Variants in CCDC141 observed in about 807,000 individuals in gnomAD.
The protein encoded by CCDC141 is coiled-coil domain-containing protein 141.
In CCDC141, 168 loss-of-function variants were observed where a neutral mutation model predicts 181.0. That is an observed-to-expected ratio of 0.93 (90% CI 0.82 to 1.05). CCDC141 has a LOEUF of 1.05. Ranked by LOEUF, CCDC141 falls within the 50% of genes least tolerant of loss-of-function variation. The pLI, the probability that CCDC141 is intolerant of heterozygous loss-of-function variation, is 0.00. For missense variants in CCDC141, 1,902 were observed against 1,788.5 expected (o/e 1.06, Z -1.14); for synonymous variants, 666 against 642.3 (o/e 1.04, Z -0.56).
At chr2:178,997,772 T>C (rs1692353939) in intron 2 of CCDC141, among the ~76,000 whole-genome samples, 1 of 152,204 alleles carries the variant, frequency 6.6e-6, no homozygotes, top group Admixed American at 6.5e-5. Flanking sequence ...ACTTCCTGTT[T>C]AGAGCTATAC....
At chr2:178,843,373 A>G (rs974863730) in intron 22 of CCDC141, among the ~76,000 whole-genome samples, 1 of 152,222 alleles carries the variant, frequency 6.6e-6, no homozygotes, top group Non-Finnish European at 1.5e-5. Context: ...TGCTGGCATC[A>G]AAAGCCATCA....
chr2:178,954,241 A>C (rs765884071), intron 5 of CCDC141, among the ~76,000 whole-genome samples: 9 of 152,260 alleles, frequency 5.9e-5, no homozygotes, highest in Non-Finnish European at 1.3e-4. Context: ...TCTTGCCAAG[A>C]TAATTAATTA....
chr2:178,840,234 G>A lies in CCDC141; in HGVS notation c.3475-2490C>T, dbSNP rs16866557. 4.7e-3 allele frequency among the ~76,000 whole-genome samples: 715 copies of A among 152,132 alleles called. 9 individuals are homozygous for A. The highest frequency in any genetic ancestry group is 0.017 in the African/African-American group (688 of 41,510). ...TGCCTCAACTCTCTCTCATCATCTT[G>A]GTCATTTCTGGGAGGTCCCACTCCT... On this transcript the variant is annotated intron_variant, in intron 22 of 23. Coordinates refer to ENST00000443758, the MANE Select transcript of CCDC141 (RefSeq NM_173648.4).
chr2:178,999,663 C>A (rs2041895288), intron 2 of CCDC141, among the ~76,000 whole-genome samples: 1 of 152,136 alleles, frequency 6.6e-6, no homozygotes, highest in Admixed American at 6.6e-5. Context: ...ACACTGTTCT[C>A]TAGCCTTCTG....
At chr2:179,021,309 AT>A (rs1220065582) in intron 2 of CCDC141, among the ~76,000 whole-genome samples, 4 of 152,290 alleles carry the variant, frequency 2.6e-5, no homozygotes, top group African/African-American at 9.6e-5. Flanking sequence ...AATTTTAGCT[AT>A]GCAAACCTAA....
intron 4 of CCDC141, among the ~76,000 whole-genome samples, chr2:178,973,671 C>T (rs1056407268): frequency 6.6e-6 from 1 of 152,212 alleles, no homozygotes; most frequent in Admixed American, 6.5e-5. Context: ...GGAAAAGCCC[C>T]TACTTCTACA....
chr2:178,998,332 A>G (rs749298410), intron 2 of CCDC141, among the ~76,000 whole-genome samples: 1 of 152,226 alleles, frequency 6.6e-6, no homozygotes, highest in Non-Finnish European at 1.5e-5. Flanking sequence ...AGCTGAAGTT[A>G]TTAATGAATG....
intron 14 of CCDC141, among the ~76,000 whole-genome samples, chr2:178,870,603 G>T (rs2154369082): frequency 6.6e-6 from 1 of 152,262 alleles, no homozygotes; most frequent in Admixed American, 6.5e-5. Flanking sequence ...TTACAATGGT[G>T]GGTGTGTTTC....
At chr2:178,908,102 A>C (rs940562602) in intron 7 of CCDC141, among the ~76,000 whole-genome samples, 2 of 152,208 alleles carry the variant, frequency 1.3e-5, no homozygotes, top group Non-Finnish European at 2.9e-5. Context: ...TTTGCCAATA[A>C]CCACTGTTTC....
rs571361873 is a variant in CCDC141 at position 178,904,827 on chromosome 2, T to C, written c.1265+502A>G. ...CCACCTAGAGCACTGTTCAAAAGCA[T>C]GGGGTCTGGTGCCCATGCTGTTGGA... On this transcript the variant is annotated intron_variant, in intron 8 of 23. Coordinates refer to ENST00000443758, the MANE Select transcript of CCDC141 (RefSeq NM_173648.4). 5.9e-5 allele frequency among the ~76,000 whole-genome samples: 9 copies of C among 152,270 alleles called. No homozygotes were observed. In the East Asian group the frequency reaches 1.7e-3, roughly 29 times the overall value.
chr2:178,888,541 C>T lies in CCDC141; in HGVS notation c.1393G>A (p.Gly465Ser), dbSNP rs1208192580. The stretch of plus-strand genomic sequence containing the variant: ...TACGAAACTACCTTCCGTAGGTAAC[C>T]CTCCACTGAGGCTGTTAGTTGTTGT... The part of the protein sequence containing the change: ...KKQQLTASVE[G>S]YLRKVEMSIQ... Residue 465 changes from glycine to serine, a missense_variant, in exon 9 of 24, where the codon GGT (glycine) becomes AGT (serine). Gly to Ser is a moderately conservative substitution (Grantham distance 56). Transcript: ENST00000443758. The T allele has an allele frequency of 6.5e-6, 10 of 1,550,274 alleles. No homozygotes were observed. The South Asian group carries it at 1.1e-4, about 17-fold the overall frequency.
chr2:178,866,812 G>A (rs1456268641), intron 16 of CCDC141, among the ~76,000 whole-genome samples: 3 of 151,888 alleles, frequency 2.0e-5, no homozygotes, highest in Admixed American at 6.6e-5. Context: ...TGCAACCTCC[G>A]CCTCCTGGGT....
At chr2:178,986,245 G>C (rs1433612015) in intron 2 of CCDC141, among the ~76,000 whole-genome samples, 1 of 152,114 alleles carries the variant, frequency 6.6e-6, no homozygotes, top group Non-Finnish European at 1.5e-5. Context: ...ATGCAGAAAA[G>C]GCCTTTGACA....
At chr2:178,957,290 A>T (rs1246325233) in intron 5 of CCDC141, among the ~76,000 whole-genome samples, 6 of 152,230 alleles carry the variant, frequency 3.9e-5, no homozygotes, top group African/African-American at 1.2e-4. Flanking sequence ...CACTTATTTC[A>T]TTTAATCCTT....
At chr2:178,950,259 T>C (rs1174432445) in intron 5 of CCDC141, among the ~76,000 whole-genome samples, 2 of 152,228 alleles carry the variant, frequency 1.3e-5, no homozygotes, top group Non-Finnish European at 2.9e-5. Context: ...ATGTTTTCAA[T>C]TGTAGTTGAT....
At chr2:178,847,995 C>G (rs1038238490) in intron 21 of CCDC141, among the ~76,000 whole-genome samples, 1 of 152,120 alleles carries the variant, frequency 6.6e-6, no homozygotes, top group East Asian at 1.9e-4. Context: ...CTATGAGAAA[C>G]AAATGTCTGT....
At chr2:178,883,023 A>G (rs1318225896) in intron 11 of CCDC141, among the ~76,000 whole-genome samples, 1 of 152,210 alleles carries the variant, frequency 6.6e-6, no homozygotes, top group Non-Finnish European at 1.5e-5. Context: ...AGCAGAAAAT[A>G]GAAAGCAGGA....
At position 178,944,607 on chromosome 2, in the gene CCDC141, T is replaced by A; in HGVS notation, c.825A>T (p.Gln275His). The change falls in exon 6 of 24, where the codon CAA becomes CAT. Residue 275 changes from glutamine to histidine, a missense_variant. Physicochemically the swap from Gln to His is conservative, Grantham distance 24. Transcript: ENST00000443758. The stretch of plus-strand genomic sequence containing the variant: ...TGTCTGAAAGTGATGAACCTAGACT[T>A]TGTTCCTGTAAATTTCTTATAGTTT... Reference protein sequence around the residue: ...FQKTIRNLQEQSLGSSLSDNE... With the variant: ...FQKTIRNLQEHSLGSSLSDNE... 4 of 1,534,250 alleles carry A rather than the reference T, an allele frequency of 2.6e-6. No individual in the cohort carries two copies. The highest frequency in any genetic ancestry group is 3.5e-6 in the Non-Finnish European group (4 of 1,139,712).
chr2:178,984,766 C>G (rs1317811435), intron 2 of CCDC141, among the ~76,000 whole-genome samples: 3 of 151,744 alleles, frequency 2.0e-5, no homozygotes, highest in African/African-American at 4.8e-5. Flanking sequence ...GAAGAGCTAA[C>G]TATCCTAAAT....
Sources: gnomAD v4.1 joint callset for allele counts (sites outside exome capture counted in the v4.1 genomes callset) on GRCh38, gnomAD v4.1.1 for gene constraint, MANE v1.5 for transcripts, NCBI Gene and HGNC (gene_info 2026-07-23, HGNC 2026-07-21) for gene names.